Variants in DLGAP2 observed in about 807,000 individuals in gnomAD.
DLGAP2 encodes DLG associated protein 2.
In DLGAP2, 26 loss-of-function variants were observed where a neutral mutation model predicts 100.3. That is an observed-to-expected ratio of 0.26 (90% CI 0.19 to 0.36). The LOEUF is 0.36. DLGAP2 is among the 10% of genes least tolerant of loss of function. The pLI, the probability that DLGAP2 is intolerant of heterozygous loss-of-function variation, is 1.00. For missense variants in DLGAP2, 1,858 were observed against 1,453.2 expected (o/e 1.28, Z -4.53); for synonymous variants, 886 against 630.1 (o/e 1.41, Z -6.08).
Position 924,491 on chromosome 8 carries a change from C to T in DLGAP2, c.73+16525C>T, listed in dbSNP as rs1246184513. On this transcript the variant is annotated intron_variant, in intron 2 of 14. Coordinates refer to ENST00000637795, the MANE Select transcript of DLGAP2 (RefSeq NM_001346810.2). ...AAGCCCGGTGAAGTTTAGTGCTGGC[C>T]TTGCCGAGGTGCAGGACGTGAATTT... Among the ~76,000 whole-genome samples, 10 of 152,076 alleles carry T rather than the reference C, an allele frequency of 6.6e-5. No homozygotes were observed. The East Asian group carries it at 1.7e-3, about 27-fold the overall frequency.
intron 2 of DLGAP2, among the ~76,000 whole-genome samples, chr8:930,719 C>G (rs1798936303): frequency 6.6e-6 from 1 of 152,188 alleles, no homozygotes; most frequent in Non-Finnish European, 1.5e-5. Context: ...AGACCCCACA[C>G]TGCAGAGACT....
intron 1 of DLGAP2, among the ~76,000 whole-genome samples, chr8:856,245 A>G (rs958712943): frequency 1.4e-5 from 2 of 146,694 alleles, no homozygotes; most frequent in African/African-American, 5.1e-5. Context: ...CTAGAGTGCA[A>G]TGGTGCAATC....
At chr8:1,220,590 G>C (rs1798296921) in intron 2 of DLGAP2, among the ~76,000 whole-genome samples, 1 of 152,028 alleles carries the variant, frequency 6.6e-6, no homozygotes, top group Non-Finnish European at 1.5e-5. Flanking sequence ...TTGTTGGGGA[G>C]AGTATTCTGT....
At chr8:927,297 C>A (rs1268131677) in intron 2 of DLGAP2, 1 of 918,416 alleles carries the variant, frequency 1.1e-6, no homozygotes, top group Non-Finnish European at 1.3e-6. Context: ...GCTTCTGTGG[C>A]GACTGTTTTC....
intron 3 of DLGAP2, among the ~76,000 whole-genome samples, chr8:1,324,534 C>A (rs1291128346): frequency 6.6e-6 from 1 of 152,200 alleles, no homozygotes; most frequent in Non-Finnish European, 1.5e-5. Context: ...TAACACATTG[C>A]TCAGGATGTA....
At chr8:1,157,738 GCCA>G (rs1268463658) in intron 2 of DLGAP2, among the ~76,000 whole-genome samples, 1 of 152,186 alleles carries the variant, frequency 6.6e-6, no homozygotes, top group African/African-American at 2.4e-5. Context: ...GAGAACGTCA[GCCA>G]CCCACCTATG....
intron 3 of DLGAP2, among the ~76,000 whole-genome samples, chr8:1,427,218 A>G (rs1797260482): frequency 6.6e-6 from 1 of 152,192 alleles, no homozygotes; most frequent in Non-Finnish European, 1.5e-5. Context: ...CAAACCTACA[A>G]TTATAGATTT....
chr8:856,486 C>T (rs574090521), intron 1 of DLGAP2, among the ~76,000 whole-genome samples: 1 of 152,232 alleles, frequency 6.6e-6, no homozygotes, highest in South Asian at 2.1e-4. Context: ...CGGCACCCAG[C>T]AGTGGAAAAA....
At chr8:1,082,367 T>TA (rs551545040) in intron 2 of DLGAP2, among the ~76,000 whole-genome samples, 162 of 152,328 alleles carry the variant, frequency 1.1e-3, no homozygotes, top group Middle Eastern at 6.8e-3. Flanking sequence ...TCTTTATTTT[T>TA]AAAAAAATCA....
chr8:765,675 ACT>A (rs959506315), intron 1 of DLGAP2, among the ~76,000 whole-genome samples: 28 of 152,004 alleles, frequency 1.8e-4, no homozygotes, highest in African/African-American at 6.8e-4. Context: ...GACCTCTAAG[ACT>A]CTATGGAGTT....
intron 1 of DLGAP2, among the ~76,000 whole-genome samples, chr8:882,954 G>C (rs905423): frequency 0.57 from 86,490 of 152,130 alleles, 24,949 homozygotes; most frequent in Non-Finnish European, 0.62. Context: ...ATTAATGTCA[G>C]AAGTTGAGTT....
At chr8:823,880 T>G (rs1796634619) in intron 1 of DLGAP2, among the ~76,000 whole-genome samples, 1 of 152,134 alleles carries the variant, frequency 6.6e-6, no homozygotes, top group Non-Finnish European at 1.5e-5. Context: ...CTCGTTCTCT[T>G]GTTGTGCGAT....
Position 1,701,499 on chromosome 8 carries a change from C to G in DLGAP2, c.*93C>G, listed in dbSNP as rs1437538655. Reference sequence around the variant, plus strand: ...CCTGGTGGTTTCTGTCTCCTCCTCCCGCTGAACACGTCCTCGCTCCCGCGC... The same window carrying G: ...CCTGGTGGTTTCTGTCTCCTCCTCCGGCTGAACACGTCCTCGCTCCCGCGC... On this transcript the variant is annotated 3_prime_UTR_variant, in exon 15 of 15. Transcript: ENST00000637795. The G allele has an allele frequency of 9.3e-6, 12 of 1,295,422 alleles. No homozygotes were observed. In the East Asian group the frequency reaches 2.8e-4, roughly 30 times the overall value. The allele number at this position is 1,295,422 out of a possible 1,614,324, so 80.2% of individuals were successfully genotyped here. A position where few individuals can be genotyped will look rare whatever the true frequency, so the allele number is the denominator to read the frequency against.
chr8:1,391,490 G>C (rs1293937672), intron 3 of DLGAP2, among the ~76,000 whole-genome samples: 1 of 152,162 alleles, frequency 6.6e-6, no homozygotes, highest in African/African-American at 2.4e-5. Context: ...GATGAAAAAT[G>C]ATAATAGCTG....
intron 1 of DLGAP2, among the ~76,000 whole-genome samples, chr8:834,144 C>T (rs184386589): frequency 1.6e-4 from 25 of 152,318 alleles, no homozygotes; most frequent in East Asian, 1.6e-3. Flanking sequence ...TCTCAGGATG[C>T]GATCCTATTC....
chr8:1,041,360 A>G (rs757500056), intron 2 of DLGAP2, among the ~76,000 whole-genome samples: 42 of 152,284 alleles, frequency 2.8e-4, no homozygotes, highest in Non-Finnish European at 4.3e-4. Context: ...TAAAACCTAC[A>G]TGGCCGAGGC....
intron 1 of DLGAP2, among the ~76,000 whole-genome samples, chr8:856,822 C>G (rs951987471): frequency 1.3e-5 from 2 of 152,188 alleles, no homozygotes; most frequent in Non-Finnish European, 2.9e-5. Context: ...ATACATTCAG[C>G]GCAGTCCCCA....
chr8:1,057,116 G>T (rs1004149641), intron 2 of DLGAP2, among the ~76,000 whole-genome samples: 1 of 152,198 alleles, frequency 6.6e-6, no homozygotes, highest in African/African-American at 2.4e-5. Flanking sequence ...TATTACTGCA[G>T]AGTTTTACCT....
intron 2 of DLGAP2, among the ~76,000 whole-genome samples, chr8:986,871 G>T (rs978291318): frequency 4.6e-5 from 7 of 152,062 alleles, no homozygotes; most frequent in African/African-American, 1.4e-4. Flanking sequence ...TGTTGGCCAG[G>T]CTGGTCTCAA....
Sources: gnomAD v4.1 joint callset for allele counts (sites outside exome capture counted in the v4.1 genomes callset) on GRCh38, gnomAD v4.1.1 for gene constraint, MANE v1.5 for transcripts, NCBI Gene and HGNC (gene_info 2026-07-23, HGNC 2026-07-21) for gene names.